PDSS2: variants seen among roughly 807,000 people sequenced by gnomAD.
PDSS2 encodes the protein all trans-polyprenyl-diphosphate synthase PDSS2.
PDSS2 carries 31 observed loss-of-function variants against 44.5 expected under a neutral mutation model. The ratio of observed to expected loss-of-function variants is 0.70; its 90% CI spans 0.52 to 0.94. The LOEUF (loss-of-function observed/expected upper bound fraction) is 0.94, where lower values mean the gene tolerates loss of function less well. Ranked by LOEUF, PDSS2 falls within the 40% of genes least tolerant of loss-of-function variation. PDSS2 has a pLI of 0.00. For synonymous variants in PDSS2, 157 were observed against 180.3 expected (o/e 0.87, Z 1.03); for missense variants, 452 against 482.2 (o/e 0.94, Z 0.59).
At chr6:107,236,559 T>C (rs1276565143) in intron 4 of PDSS2, among the ~76,000 whole-genome samples, 2 of 152,222 alleles carry the variant, frequency 1.3e-5, no homozygotes, top group Non-Finnish European at 2.9e-5. Context: ...TAATACATTC[T>C]GGCATTACAG....
At chr6:107,344,101 G>A (rs1778164023) in intron 1 of PDSS2, among the ~76,000 whole-genome samples, 1 of 152,132 alleles carries the variant, frequency 6.6e-6, no homozygotes, top group Non-Finnish European at 1.5e-5. Context: ...CTATGGTATA[G>A]GGACCCTTTT....
intron 1 of PDSS2, among the ~76,000 whole-genome samples, chr6:107,405,846 CA>C (rs1301868631): frequency 0.063 from 3,603 of 56,776 alleles, 94 homozygotes; most frequent in African/African-American, 0.19. Context: ...GACTCCGTCT[CA>C]AAAAAAAAAA....
rs1412561354 is a variant in PDSS2, at chr6:107,212,245, C to G, written c.740G>C (p.Trp247Ser). The G allele has an allele frequency of 5.0e-6, 8 of 1,613,614 alleles. No homozygotes were observed. The South Asian group carries it at 8.8e-5, about 18-fold the overall frequency. Residue 247 changes from tryptophan to serine, a missense_variant, in exon 5 of 8, where the codon TGG becomes TCG. By Grantham distance (177) the Trp-to-Ser change is radical. Coordinates refer to ENST00000369037, the MANE Select transcript of PDSS2 (RefSeq NM_020381.4). ...YITDDIGIST[W>S]KEQTFLSHGA... ...ATGGGAGAGAAAAGTCTGCTCCTTC[C>G]AAGTCGATATTCCAATATCATCTGT...
intron 1 of PDSS2, among the ~76,000 whole-genome samples, chr6:107,384,017 T>C (rs1281858130): frequency 8.5e-5 from 13 of 152,142 alleles, no homozygotes; most frequent in Admixed American, 5.9e-4. Context: ...CCAACCCAAA[T>C]ATCCATTAGC....
chr6:107,288,979 C>T (rs1053643112), intron 2 of PDSS2, among the ~76,000 whole-genome samples: 2 of 148,272 alleles, frequency 1.3e-5, no homozygotes, highest in Non-Finnish European at 3.0e-5. Flanking sequence ...AGGCTGGTCT[C>T]GAACTGCTCA....
At chr6:107,411,294 T>C (rs1780485079) in intron 1 of PDSS2, among the ~76,000 whole-genome samples, 1 of 152,236 alleles carries the variant, frequency 6.6e-6, no homozygotes, top group Non-Finnish European at 1.5e-5. Flanking sequence ...CTGGGTCAAA[T>C]GGTAAGTGCA....
At chr6:107,275,153 C>T (rs924671328) in intron 2 of PDSS2, among the ~76,000 whole-genome samples, 5 of 152,062 alleles carry the variant, frequency 3.3e-5, no homozygotes, top group African/African-American at 1.2e-4. Flanking sequence ...ATTTATTACA[C>T]GGGAATTTCA....
intron 1 of PDSS2, among the ~76,000 whole-genome samples, chr6:107,398,688 T>A (rs866990624): frequency 6.6e-6 from 1 of 152,192 alleles, no homozygotes; most frequent in African/African-American, 2.4e-5. Flanking sequence ...GAAAAATAAG[T>A]CTGCGAATTT....
chr6:107,420,050 G>C (rs1372587446), intron 1 of PDSS2, among the ~76,000 whole-genome samples: 1 of 152,032 alleles, frequency 6.6e-6, no homozygotes, highest in Non-Finnish European at 1.5e-5. Context: ...ACAACAGAAT[G>C]GTCCTTAAGA....
rs567792467 is a variant in PDSS2 at position 107,245,826 on chromosome 6, CA to C, written c.631-208del. 4.3e-3 allele frequency among the ~76,000 whole-genome samples: 651 copies of C among 151,344 alleles called. 1 individual carries two copies. Among genetic ancestry groups the C allele is most frequent in the Non-Finnish European group, 6.6e-3 (446 of 67,786 alleles). ...AAATTTTTTCAGTCATAATTCAAGCCAAAAAAAATCTTATAAGCATAGCATT... is the reference window on the plus strand; with the variant it reads ...AAATTTTTTCAGTCATAATTCAAGCCAAAAAAATCTTATAAGCATAGCATT... On this transcript the variant is annotated intron_variant, in intron 3 of 7. Transcript: ENST00000369037.
At chr6:107,318,333 G>A (rs1227088484) in intron 2 of PDSS2, among the ~76,000 whole-genome samples, 1 of 152,122 alleles carries the variant, frequency 6.6e-6, no homozygotes, top group African/African-American at 2.4e-5. Context: ...GAGGTCAGCG[G>A]AGAGCAGTGC....
At chr6:107,404,656 A>G (rs1013036645) in intron 1 of PDSS2, among the ~76,000 whole-genome samples, 3 of 152,158 alleles carry the variant, frequency 2.0e-5, no homozygotes, top group African/African-American at 7.2e-5. Context: ...AGATCTTGTG[A>G]GAACTCACTC....
chr6:107,215,270 T>A (rs1773373818), intron 4 of PDSS2, among the ~76,000 whole-genome samples: 1 of 152,072 alleles, frequency 6.6e-6, no homozygotes. Flanking sequence ...CTCACACCTG[T>A]AATCGTAGCA....
At chr6:107,439,415 C>T (rs577616187) in intron 1 of PDSS2, among the ~76,000 whole-genome samples, 1 of 152,328 alleles carries the variant, frequency 6.6e-6, no homozygotes, top group South Asian at 2.1e-4. Flanking sequence ...GCTGTGAAGG[C>T]ACAATTAAAT....
At chr6:107,451,435 T>C (rs1186328850) in intron 1 of PDSS2, among the ~76,000 whole-genome samples, 2 of 152,064 alleles carry the variant, frequency 1.3e-5, no homozygotes, top group Non-Finnish European at 2.9e-5. Flanking sequence ...GGTGGAAGGC[T>C]ACACTGCCGC....
At chr6:107,172,438 C>A (rs941981249) in intron 7 of PDSS2, among the ~76,000 whole-genome samples, 4 of 152,126 alleles carry the variant, frequency 2.6e-5, no homozygotes, top group East Asian at 1.9e-4. Context: ...CACCTGTAAT[C>A]CTAGCACTTT....
At chr6:107,435,100 G>C (rs1306295298) in intron 1 of PDSS2, among the ~76,000 whole-genome samples, 1 of 151,946 alleles carries the variant, frequency 6.6e-6, no homozygotes, top group African/African-American at 2.4e-5. Flanking sequence ...AACACAGCAA[G>C]ATCTCATCTC....
At chr6:107,339,127 G>A (rs182637777) in intron 1 of PDSS2, among the ~76,000 whole-genome samples, 212 of 152,262 alleles carry the variant, frequency 1.4e-3, no homozygotes, top group African/African-American at 4.7e-3. Context: ...ATGCTGAGCT[G>A]CTTGTTACTA....
chr6:107,294,241 G>A (rs1046603771), intron 2 of PDSS2, among the ~76,000 whole-genome samples: 20 of 152,120 alleles, frequency 1.3e-4, no homozygotes, highest in African/African-American at 3.9e-4. Flanking sequence ...GAAAAAGAGT[G>A]TCAGGGCATA....
Sources: allele counts gnomAD v4.1 joint callset (sites outside exome capture counted in the v4.1 genomes callset), GRCh38; gene constraint gnomAD v4.1.1; transcripts MANE v1.5; gene names NCBI Gene and HGNC (gene_info 2026-07-23, HGNC 2026-07-21).